The following IKZF3 variants were observed in gnomAD, a reference collection of about 807,000 sequenced individuals.
IKZF3 encodes the protein IKAROS family zinc finger 3, also known as zinc finger protein Aiolos.
A neutral mutation model predicts 49.0 loss-of-function variants in IKZF3; 10 were observed. The ratio of observed to expected loss-of-function variants is 0.20; its 90% CI spans 0.13 to 0.35. The LOEUF (loss-of-function observed/expected upper bound fraction) is 0.35. Among genes scored for constraint, IKZF3 ranks in the 10% least tolerant of loss-of-function variants. IKZF3 has a pLI of 1.00. For missense variants in IKZF3, 498 were observed against 664.8 expected (o/e 0.75, Z 2.76); for synonymous variants, 209 against 228.2 (o/e 0.92, Z 0.76).
At chr17:39,777,579 G>A (rs2143719634) in intron 7 of IKZF3, 72 bp downstream of exon 7, 1 of 1,041,892 alleles carries the variant, frequency 9.6e-7, no homozygotes, top group Non-Finnish European at 1.5e-6. Context: ...AAGGCCTTGT[G>A]TAGCAAGCAT....
intron 1 of IKZF3, among the ~76,000 whole-genome samples, chr17:39,847,642 C>G (rs2062674723): frequency 6.6e-6 from 1 of 152,074 alleles, no homozygotes; most frequent in African/African-American, 2.4e-5. Flanking sequence ...TTGCCTGTGG[C>G]TCTCCAAAAA....
chr17:39,831,362 G>A (rs2062103906), intron 2 of IKZF3, among the ~76,000 whole-genome samples: 1 of 151,452 alleles, frequency 6.6e-6, no homozygotes, highest in South Asian at 2.1e-4. Context: ...CAACAAGAGC[G>A]AAATTCCGTC....
chr17:39,818,304 AG>A (rs1305362908), intron 3 of IKZF3, among the ~76,000 whole-genome samples: 1 of 152,250 alleles, frequency 6.6e-6, no homozygotes, highest in African/African-American at 2.4e-5. Context: ...CCTATGATAA[AG>A]TTTTAATTTA....
At chr17:39,788,570 G>A (rs1290767191) in intron 5 of IKZF3, among the ~76,000 whole-genome samples, 196 bp from the exon 6 acceptor site, 2 of 152,142 alleles carry the variant, frequency 1.3e-5, no homozygotes, top group African/African-American at 2.4e-5. Context: ...TTACGTCAGA[G>A]TATTCTTCAA....
chr17:39,830,394 T>C (rs1367576138), intron 2 of IKZF3, among the ~76,000 whole-genome samples: 1 of 152,154 alleles, frequency 6.6e-6, no homozygotes, highest in African/African-American at 2.4e-5. Flanking sequence ...GAGATATAGA[T>C]AAGAGAAGCC....
intron 1 of IKZF3, among the ~76,000 whole-genome samples, chr17:39,834,021 G>A (rs1380269219): frequency 6.6e-6 from 1 of 152,046 alleles, no homozygotes; most frequent in African/African-American, 2.4e-5. Flanking sequence ...CTCTTGGTTG[G>A]GACAGTTTCT....
At chr17:39,848,399 C>T in intron 1 of IKZF3, among the ~76,000 whole-genome samples, 1 of 152,190 alleles carries the variant, frequency 6.6e-6, no homozygotes, top group East Asian at 1.9e-4. Flanking sequence ...TTGTATATCA[C>T]ATGCTACCAA....
chr17:39,784,126 A>G (rs1030827056), intron 6 of IKZF3, among the ~76,000 whole-genome samples: 6 of 152,192 alleles, frequency 3.9e-5, no homozygotes, highest in Admixed American at 3.3e-4. Flanking sequence ...TGATTATTCA[A>G]TTATTTAAAA....
intron 7 of IKZF3, among the ~76,000 whole-genome samples, chr17:39,772,519 T>C (rs535869033): frequency 6.6e-6 from 1 of 152,308 alleles, no homozygotes; most frequent in South Asian, 2.1e-4. Flanking sequence ...TCATCATGGC[T>C]CTGATCTCAA....
intron 1 of IKZF3, among the ~76,000 whole-genome samples, chr17:39,858,319 G>T (rs2063124891): frequency 6.6e-6 from 1 of 151,920 alleles, no homozygotes; most frequent in Non-Finnish European, 1.5e-5. Flanking sequence ...AGAAAGAAAA[G>T]TTTCCTTTGT....
chr17:39,848,215 G>C (rs2062690579), intron 1 of IKZF3, among the ~76,000 whole-genome samples: 1 of 151,980 alleles, frequency 6.6e-6, no homozygotes, highest in African/African-American at 2.4e-5. Context: ...AAAAAATAAA[G>C]CATTCCATTT....
At chr17:39,835,700 G>C (rs1598157752) in intron 1 of IKZF3, 5 of 477,950 alleles carry the variant, frequency 1.0e-5, no homozygotes, top group South Asian at 4.8e-5. Flanking sequence ...TCTGGGACTG[G>C]AGCTCCCAGA....
At chr17:39,774,818 C>G (rs1174384708) in intron 7 of IKZF3, among the ~76,000 whole-genome samples, 2 of 152,078 alleles carry the variant, frequency 1.3e-5, no homozygotes, top group Non-Finnish European at 2.9e-5. Flanking sequence ...GTTTTAGATT[C>G]TCAGATTTAT....
chr17:39,832,164 A>G lies in IKZF3; in HGVS notation c.8-13T>C. On this transcript the variant is annotated splice_polypyrimidine_tract_variant and intron_variant, in intron 1 of 7. Transcript: ENST00000346872. ...TTTGTTTGTATATCTGAAAAGAAAG[A>G]GGTTATAAATATTAGCTACTTAGGG... is the stretch of plus-strand genomic sequence containing the variant. 2 of 1,604,524 alleles carry G rather than the reference A, an allele frequency of 1.2e-6. No homozygotes were observed. The highest frequency in any genetic ancestry group is 8.5e-7 in the Non-Finnish European group (1 of 1,171,548).
intron 1 of IKZF3, among the ~76,000 whole-genome samples, chr17:39,840,879 G>T (rs938628143): frequency 2.6e-5 from 4 of 152,080 alleles, no homozygotes; most frequent in Middle Eastern, 3.4e-3. Context: ...GTGTGAATGA[G>T]GTAAGGAGGG....
intron 7 of IKZF3, among the ~76,000 whole-genome samples, chr17:39,774,188 A>G (rs2060517586): frequency 6.6e-6 from 1 of 152,058 alleles, no homozygotes; most frequent in Non-Finnish European, 1.5e-5. Flanking sequence ...CTTTACCCTC[A>G]CAGTTCAAGA....
intron 3 of IKZF3, among the ~76,000 whole-genome samples, chr17:39,802,657 T>A (rs2061349826): frequency 6.7e-6 from 1 of 149,324 alleles, no homozygotes; most frequent in African/African-American, 2.5e-5. Context: ...TAGCCAGGTA[T>A]GGTAGAATAC....
intron 7 of IKZF3, 52 bp downstream of exon 7, chr17:39,777,599 T>C (rs2143720663): frequency 8.5e-6 from 11 of 1,293,060 alleles, no homozygotes; most frequent in Non-Finnish European, 1.2e-5. Flanking sequence ...TCCTATGTTA[T>C]TTCATTCAAA....
chr17:39,835,248 G>T, intron 1 of IKZF3: 1 of 540,274 alleles, frequency 1.9e-6, no homozygotes. Context: ...CCTGTAGGTG[G>T]CGATCTCAAT....
Sources: allele counts gnomAD v4.1 joint callset (sites outside exome capture counted in the v4.1 genomes callset), GRCh38; gene constraint gnomAD v4.1.1; transcripts MANE v1.5; gene names NCBI Gene and HGNC (gene_info 2026-07-23, HGNC 2026-07-21).